N4BP1: variants seen among roughly 807,000 people sequenced by gnomAD.
N4BP1 encodes NEDD4 binding protein 1, also known as NEDD4-binding protein 1.
N4BP1 carries 21 observed loss-of-function variants against 70.9 expected under a neutral mutation model. The observed-to-expected ratio is 0.30, with a 90% CI of 0.21 to 0.43. The LOEUF is 0.43. Among genes scored for constraint, N4BP1 ranks in the 20% least tolerant of loss-of-function variants. N4BP1 has a pLI of 1.00. For missense variants in N4BP1, 936 were observed against 1,069.4 expected, an observed-to-expected ratio of 0.88 and a Z score of 1.74; for synonymous variants, 387 against 394.6, an observed-to-expected ratio of 0.98 and a Z score of 0.23.
At chr16:48,577,234 T>C (rs902655383) in intron 1 of N4BP1, among the ~76,000 whole-genome samples, 1 of 152,148 alleles carries the variant, frequency 6.6e-6, no homozygotes, top group Non-Finnish European at 1.5e-5. Flanking sequence ...GTATGTAACA[T>C]GACCAACTTC....
intron 2 of N4BP1, among the ~76,000 whole-genome samples, chr16:48,557,169 A>G (rs1355561859): frequency 1.3e-5 from 2 of 152,260 alleles, no homozygotes; most frequent in African/African-American, 4.8e-5. Context: ...AATACATCGA[A>G]GGGTGGGCCT....
intron 1 of N4BP1, among the ~76,000 whole-genome samples, chr16:48,597,315 CTGAATTTAGGGTATA>C (rs1964429161): frequency 6.6e-6 from 1 of 152,160 alleles, no homozygotes; most frequent in African/African-American, 2.4e-5. Flanking sequence ...AAGACAGATT[CTGAATTTAGGGTATA>C]TGAAGCTGTC....
intron 1 of N4BP1, among the ~76,000 whole-genome samples, chr16:48,589,331 A>G (rs980603143): frequency 6.6e-6 from 1 of 152,040 alleles, no homozygotes; most frequent in Non-Finnish European, 1.5e-5. Context: ...CCTACTTCCA[A>G]CCTCTCGGGA....
chr16:48,551,616 AACTC>A (rs1963666763), intron 3 of N4BP1, 134 bp from the exon 4 acceptor site: 1 of 559,312 alleles, frequency 1.8e-6, no homozygotes, highest in African/African-American at 1.9e-5. Context: ...CAATTTTACT[AACTC>A]ACTAGGAATT....
intron 1 of N4BP1, chr16:48,600,072 C>A: frequency 3.2e-6 from 1 of 314,468 alleles, no homozygotes; most frequent in Non-Finnish European, 5.9e-6. Context: ...TTAAAAAATA[C>A]CAGGGTCAAG....
intron 1 of N4BP1, among the ~76,000 whole-genome samples, chr16:48,598,384 G>T (rs1426918438): frequency 6.6e-6 from 1 of 152,006 alleles, no homozygotes; most frequent in Non-Finnish European, 1.5e-5. Flanking sequence ...GAGAGTCAAA[G>T]GACTCCTTCC....
At position 48,561,824 on chromosome 16, in the gene N4BP1, T is replaced by A. The variant is rs1246491639; in HGVS notation, c.819A>T (p.Glu273Asp). ...FDPINGLTPD[E>D]EALSNERICQ... ...AAATTCTCTCATTGGAAAGTGCCTC[T>A]TCATCTGGGGTTAGACCATTTATTG... Residue 273 changes from glutamate (E) to aspartate (D), a missense_variant, in exon 2 of 7, where the codon GAA (glutamate) becomes GAT (aspartate). Physicochemically the swap from Glu to Asp is conservative, Grantham distance 45. This residue lies in a region of N4BP1 where 515 missense variants were observed against 491.7 expected (regional missense o/e 1.05). Transcript: ENST00000262384. The A allele has an allele frequency of 2.5e-6, 4 of 1,613,812 alleles. No individual in the cohort carries two copies. The highest frequency in any genetic ancestry group is 3.4e-6 in the Non-Finnish European group (4 of 1,179,882).
intron 3 of N4BP1, among the ~76,000 whole-genome samples, chr16:48,552,008 C>T (rs1419779885): frequency 6.6e-6 from 1 of 151,982 alleles, no homozygotes; most frequent in Admixed American, 6.6e-5. Context: ...TTTAATGAAG[C>T]CTACCATCAA....
In N4BP1 at chr16:48,584,847, C is replaced by G. The variant is rs537651169; in HGVS notation, c.199-22403G>C. ...ATTTGTGTAATCAAAATAATTCTCACGCAAATCAGTATTATTTTATTATTT... is the reference window on the plus strand; with the variant it reads ...ATTTGTGTAATCAAAATAATTCTCAGGCAAATCAGTATTATTTTATTATTT... On this transcript the variant is annotated intron_variant, in intron 1 of 6. Coordinates refer to ENST00000262384, the MANE Select transcript of N4BP1 (RefSeq NM_153029.4). Among the ~76,000 whole-genome samples, 6 of 152,132 alleles carry G rather than the reference C, an allele frequency of 3.9e-5. No homozygotes were observed. The East Asian group carries it at 5.8e-4, about 15-fold the overall frequency.
At chr16:48,557,562 G>A (rs980849140) in intron 2 of N4BP1, among the ~76,000 whole-genome samples, 4 of 152,076 alleles carry the variant, frequency 2.6e-5, no homozygotes, top group African/African-American at 9.7e-5. Flanking sequence ...AATATTTGTT[G>A]CATTAAATAT....
At chr16:48,572,114 A>G (rs1027526213) in intron 1 of N4BP1, among the ~76,000 whole-genome samples, 3 of 152,144 alleles carry the variant, frequency 2.0e-5, no homozygotes, top group African/African-American at 7.2e-5. Context: ...TGAGTGGGTC[A>G]CTTGAGCCCA....
chr16:48,546,004 G>T, intron 6 of N4BP1, 143 bp downstream of exon 6: 1 of 514,372 alleles, frequency 1.9e-6, no homozygotes, highest in African/African-American at 2.0e-5. Context: ...TTCCAGCCTC[G>T]GTGACAGAGG....
chr16:48,566,396 C>T (rs375512726), intron 1 of N4BP1, among the ~76,000 whole-genome samples: 3 of 152,084 alleles, frequency 2.0e-5, no homozygotes, highest in Non-Finnish European at 2.9e-5. Flanking sequence ...CTTTCAGCAC[C>T]GCTTTAGTGG....
chr16:48,556,474 T>C (rs1191940196), intron 2 of N4BP1, among the ~76,000 whole-genome samples: 3 of 152,166 alleles, frequency 2.0e-5, no homozygotes, highest in African/African-American at 2.4e-5. Context: ...ATATATATAA[T>C]AACACCTTGC....
At chr16:48,587,205 A>G (rs1964258160) in intron 1 of N4BP1, 1 of 152,190 alleles carries the variant, frequency 6.6e-6, no homozygotes, top group Admixed American at 6.5e-5. Context: ...TATGCCAGAC[A>G]CTCTTGACTA....
At chr16:48,550,484 C>T (rs1007749750) in intron 4 of N4BP1, among the ~76,000 whole-genome samples, 7 of 152,036 alleles carry the variant, frequency 4.6e-5, no homozygotes, top group African/African-American at 1.7e-4. Context: ...CATTGCACTC[C>T]AGCCTGGGTG....
chr16:48,570,933 A>G (rs1964011382), intron 1 of N4BP1, among the ~76,000 whole-genome samples: 1 of 152,190 alleles, frequency 6.6e-6, no homozygotes, highest in Non-Finnish European at 1.5e-5. Flanking sequence ...CTGGGATTAC[A>G]GGTGTGTGCC....
chr16:48,593,652 G>A (rs1052336942), intron 1 of N4BP1, among the ~76,000 whole-genome samples: 1 of 152,158 alleles, frequency 6.6e-6, no homozygotes, highest in African/African-American at 2.4e-5. Context: ...GTTATAAAAG[G>A]TTTATAAGAA....
intron 5 of N4BP1, among the ~76,000 whole-genome samples, chr16:48,547,591 C>T (rs1347545631): frequency 6.6e-6 from 1 of 152,218 alleles, no homozygotes; most frequent in Non-Finnish European, 1.5e-5. Context: ...GAAGTGAAAG[C>T]CCAGTCAGCA....
Sources: allele counts gnomAD v4.1 joint callset (sites outside exome capture counted in the v4.1 genomes callset), GRCh38; gene constraint gnomAD v4.1.1; regional missense constraint gnomAD v4.1.1; transcripts MANE v1.5; gene names NCBI Gene and HGNC (gene_info 2026-07-23, HGNC 2026-07-21).